The following AGBL1 variants were observed in gnomAD, a reference collection of about 807,000 sequenced individuals.
AGBL1 encodes cytosolic carboxypeptidase 4.
Under a neutral mutation model 118.9 loss-of-function variants are expected in AGBL1, and 130 were observed. The ratio of observed to expected loss-of-function variants is 1.09; its 90% CI spans 0.95 to 1.26. AGBL1 has a LOEUF of 1.26. Among genes scored for constraint, AGBL1 ranks in the 50% most tolerant of loss-of-function variants. The probability of loss-of-function intolerance (pLI) is 0.00; values close to 1 mark genes in which losing one functional copy is unlikely to be tolerated. For missense variants in AGBL1, 1,584 were observed against 1,298.1 expected, an observed-to-expected ratio of 1.22 and a Z score of -3.38; for synonymous variants, 555 against 478.9, an observed-to-expected ratio of 1.16 and a Z score of -2.08.
chr15:86,670,600 G>GGCAC lies in AGBL1; in HGVS notation c.2995-3673_2995-3672insGCAC, dbSNP rs1555436003. On this transcript the variant is annotated intron_variant, in intron 21 of 22. Transcript: ENST00000614907. Reference sequence around the variant, plus strand: ...GCCTGGGTGACAAGAGTGAAACTCTGACACACACACACACACACACACACA... The same window carrying GGCAC: ...GCCTGGGTGACAAGAGTGAAACTCTGGCACACACACACACACACACACACACACA... Among the ~76,000 whole-genome samples the GGCAC allele has an allele frequency of 2.8e-3, 369 of 133,250 alleles. 1 individual carries two copies. Among genetic ancestry groups the GGCAC allele is most frequent in the African/African-American group, 9.9e-3 (346 of 34,910 alleles). The allele number at this position is 133,250 out of a possible 152,430, so 87.4% of individuals were successfully genotyped here.
chr15:86,567,037 A>G (rs1217727406), intron 21 of AGBL1, among the ~76,000 whole-genome samples: 1 of 152,222 alleles, frequency 6.6e-6, no homozygotes, highest in African/African-American at 2.4e-5. Context: ...CCATTTTCAT[A>G]GTAAAAACTC....
intron 24 of AGBL1, among the ~76,000 whole-genome samples, chr15:87,013,467 A>G (rs2081581797): frequency 1.3e-5 from 2 of 152,140 alleles, no homozygotes; most frequent in Non-Finnish European, 2.9e-5. Context: ...CATTCTTAAC[A>G]ATGTTTAAAA....
chr15:86,935,211 G>A (rs1478405264), intron 23 of AGBL1: 1 of 152,116 alleles, frequency 6.6e-6, no homozygotes, highest in Non-Finnish European at 1.5e-5. Context: ...CCGTTGTCAG[G>A]TCTTGTTGTG....
chr15:86,787,892 A>T (rs1231864982), intron 22 of AGBL1, among the ~76,000 whole-genome samples: 1 of 152,098 alleles, frequency 6.6e-6, no homozygotes, highest in East Asian at 1.9e-4. Flanking sequence ...GATTTTTTTA[A>T]ATGTTGATTT....
At position 86,086,631 on chromosome 15, in the gene AGBL1, T is replaced by A. The variant is rs78285633; in HGVS notation, c.51+6608T>A. On this transcript the variant is annotated intron_variant, in intron 1 of 22. Coordinates refer to ENST00000614907, the MANE Select transcript of AGBL1 (RefSeq NM_001386094.1). ...CTCTCCCTCCCTCCTTTCTTTCTTT[T>A]TTCTCTCCTTTCTGCTTTTTGGTAA... Among the ~76,000 whole-genome samples the A allele has an allele frequency of 1.9e-3, 295 of 152,302 alleles. 4 individuals carry two copies. Among genetic ancestry groups the A allele is most frequent in the African/African-American group, 5.4e-3 (224 of 41,576 alleles).
intron 22 of AGBL1, among the ~76,000 whole-genome samples, chr15:86,765,442 T>G (rs2141278653): frequency 6.6e-6 from 1 of 152,046 alleles, no homozygotes; most frequent in East Asian, 1.9e-4. Context: ...TTTAGTGTAT[T>G]ATAGCGAGGG....
chr15:86,255,209 C>T (rs1009566596), intron 7 of AGBL1, among the ~76,000 whole-genome samples: 1 of 152,124 alleles, frequency 6.6e-6, no homozygotes, highest in East Asian at 1.9e-4. Context: ...TCTCTTTCAC[C>T]TTCTTGCTTC....
intron 23 of AGBL1, among the ~76,000 whole-genome samples, chr15:86,936,237 T>TGTGTG (rs2080673239): frequency 1.1e-5 from 1 of 89,630 alleles, no homozygotes; most frequent in Non-Finnish European, 2.2e-5. Context: ...GCAGTGTGTA[T>TGTGTG]GTATGTGTGT....
chr15:86,308,425 G>GAGCC (rs1250456245), intron 17 of AGBL1, among the ~76,000 whole-genome samples: 1 of 152,198 alleles, frequency 6.6e-6, no homozygotes, highest in Non-Finnish European at 1.5e-5. Context: ...GCCAGGAAGA[G>GAGCC]AGCCCTCTTC....
intron 22 of AGBL1, among the ~76,000 whole-genome samples, chr15:86,820,240 T>C (rs1454544744): frequency 1.3e-5 from 2 of 152,122 alleles, no homozygotes; most frequent in Non-Finnish European, 2.9e-5. Context: ...GGGCAAAGAC[T>C]TCATGACTAA....
At chr15:86,464,729 T>G (rs1279597270) in intron 18 of AGBL1, among the ~76,000 whole-genome samples, 1 of 152,210 alleles carries the variant, frequency 6.6e-6, no homozygotes, top group Admixed American at 6.5e-5. Flanking sequence ...TTGGTTTATT[T>G]GATGGATTAC....
chr15:86,202,100 C>G (rs1295175729), intron 5 of AGBL1, among the ~76,000 whole-genome samples: 1 of 152,128 alleles, frequency 6.6e-6, no homozygotes, highest in Non-Finnish European at 1.5e-5. Flanking sequence ...CGACACCAGC[C>G]TGGCCAACAT....
chr15:86,196,895 A>G lies in AGBL1; in HGVS notation c.489-28019A>G, dbSNP rs1394845188. ...CGCGCGCGCGCACACACACACACAC[A>G]CACACACACACACACACACACACAC... On this transcript the variant is annotated intron_variant, in intron 5 of 22. Transcript: ENST00000614907. Among the ~76,000 whole-genome samples, 143 of 150,590 alleles carry G rather than the reference A, an allele frequency of 9.5e-4. 1 individual carries two copies. Among genetic ancestry groups the G allele is most frequent in the African/African-American group, 2.8e-3 (113 of 40,528 alleles).
rs76440500 is a variant in AGBL1 at position 86,115,600 on chromosome 15, C to T, written c.52-26404C>T. 5.1e-3 allele frequency among the ~76,000 whole-genome samples: 781 copies of T among 152,284 alleles called. 4 individuals are homozygous for T. The highest frequency in any genetic ancestry group is 8.0e-3 in the Non-Finnish European group (542 of 68,032). The stretch of plus-strand genomic sequence containing the variant: ...CTCCCAGATACCGCTTAGTCACCTT[C>T]CAACATCTGGTGCTCTGGGATGAGG... On this transcript the variant is annotated intron_variant, in intron 1 of 22. Transcript: ENST00000614907.
At position 86,264,574 on chromosome 15, in the gene AGBL1, G is replaced by C; in HGVS notation, c.1403G>C (p.Trp468Ser). The change falls in exon 11 of 23, where the codon TGG (tryptophan) becomes TCG (serine). Residue 468 changes from tryptophan (W) to serine (S), a missense_variant. Trp to Ser is a radical substitution (Grantham distance 177). Coordinates refer to ENST00000614907, the MANE Select transcript of AGBL1 (RefSeq NM_001386094.1). ...CAGGCTTCCCCGAAAGCAGATGCCT[G>C]GGACGTAGATGCAATTTTCTGCCCA... ...DIQASPKADA[W>S]DVDAIFCPRM... The C allele has an allele frequency of 2.5e-6, 4 of 1,613,978 alleles. No individual in the cohort carries two copies. Among genetic ancestry groups the C allele is most frequent in the Non-Finnish European group, 3.4e-6 (4 of 1,179,876 alleles).
At chr15:86,760,247 T>C (rs996690046) in intron 22 of AGBL1, among the ~76,000 whole-genome samples, 7 of 152,070 alleles carry the variant, frequency 4.6e-5, no homozygotes, top group Non-Finnish European at 1.0e-4. Context: ...GACTAAATTG[T>C]TCCTGGCTAA....
At chr15:86,213,093 A>G (rs1482701404) in intron 5 of AGBL1, among the ~76,000 whole-genome samples, 1 of 152,248 alleles carries the variant, frequency 6.6e-6, no homozygotes, top group African/African-American at 2.4e-5. Flanking sequence ...GATATGTACA[A>G]AAATGAATAA....
intron 23 of AGBL1, among the ~76,000 whole-genome samples, chr15:86,967,031 G>C (rs1223767073): frequency 6.6e-6 from 1 of 152,176 alleles, no homozygotes; most frequent in East Asian, 1.9e-4. Context: ...ACTGGTGTGA[G>C]ATGGTATGTC....
intron 17 of AGBL1, among the ~76,000 whole-genome samples, chr15:86,366,099 TA>T (rs1423116316): frequency 6.6e-6 from 1 of 152,210 alleles, no homozygotes; most frequent in African/African-American, 2.4e-5. Flanking sequence ...GGTTCTTTAT[TA>T]AATGTGTTTT....
Sources: allele counts gnomAD v4.1 joint callset (sites outside exome capture counted in the v4.1 genomes callset), GRCh38; gene constraint gnomAD v4.1.1; transcripts MANE v1.5; gene names NCBI Gene and HGNC (gene_info 2026-07-23, HGNC 2026-07-21).